MAPT: variants seen among roughly 807,000 people sequenced by gnomAD.
MAPT encodes the protein microtubule-associated protein tau.
In MAPT, 34 loss-of-function variants were observed where a neutral mutation model predicts 67.9. The observed-to-expected ratio is 0.50, with a 90% CI of 0.38 to 0.67. MAPT has a LOEUF of 0.67. Among genes scored for constraint, MAPT ranks in the 30% least tolerant of loss-of-function variants. The pLI is 0.00. For missense variants in MAPT, 881 were observed against 1,115.2 expected, an observed-to-expected ratio of 0.79 and a Z score of 2.99; for synonymous variants, 456 against 464.5, an observed-to-expected ratio of 0.98 and a Z score of 0.23.
intron 11 of MAPT, among the ~76,000 whole-genome samples, chr17:46,016,771 AAAAGAAAG>A (rs558185747): frequency 3.3e-5 from 5 of 152,104 alleles, no homozygotes; most frequent in African/African-American, 7.2e-5. Context: ...ACTCAGCAAA[AAAAGAAAG>A]AAAGAAAGAA....
intron 1 of MAPT, among the ~76,000 whole-genome samples, chr17:45,935,648 A>G (rs2067253804): frequency 6.6e-6 from 1 of 152,032 alleles, no homozygotes; most frequent in Admixed American, 6.6e-5. Context: ...AATCTCTCTG[A>G]TCCGGGCTCT....
intron 1 of MAPT, among the ~76,000 whole-genome samples, chr17:45,900,063 C>T (rs1454147587): frequency 6.6e-6 from 1 of 152,174 alleles, no homozygotes; most frequent in African/African-American, 2.4e-5. Context: ...TTGGCGCCCA[C>T]TGATGAGGCC....
rs759582499 is a variant in MAPT, at chr17:45,983,234, G to C, written c.655G>C (p.Gly219Arg). The change falls in exon 5 of 13, where the codon GGT becomes CGT. Residue 219 changes from glycine to arginine, a missense_variant. Gly to Arg is a moderately radical substitution (Grantham distance 125, BLOSUM62 -2). Coordinates refer to ENST00000262410, the MANE Select transcript of MAPT (RefSeq NM_001377265.1). ...EGFLREPGPP[G>R]LSHQLMSGMP... ...CTTCCTCCGAGAGCCAGGCCCCCCA[G>C]GTCTGAGCCACCAGCTCATGTCCGG... 5 of 1,605,176 alleles carry C rather than the reference G, an allele frequency of 3.1e-6. No homozygotes were observed. The highest frequency in any genetic ancestry group is 4.3e-6 in the Non-Finnish European group (5 of 1,176,280).
In MAPT at chr17:45,962,315, C is replaced by A. The variant is rs2070523797; in HGVS notation, c.-17-6C>A. 1 of 1,611,160 alleles carries A rather than the reference C, an allele frequency of 6.2e-7. No individual in the cohort carries two copies. Among genetic ancestry groups the A allele is most frequent in the Non-Finnish European group, 8.5e-7 (1 of 1,179,338 alleles). On this transcript the variant is annotated splice_region_variant and splice_polypyrimidine_tract_variant and intron_variant, in intron 1 of 12. Transcript: ENST00000262410. ...CAGAACTTATCCTCTCCTCTTCTTT[C>A]CCCAGGTGAACTTTGAACCAGGATG...
Position 45,971,440 on chromosome 17 carries a change from T to C in MAPT, c.134-419T>C. The stretch of plus-strand genomic sequence containing the variant: ...GCTGACTCCTTTTCCAAGGAAGGGG[T>C]TGGATCGCTGAGTGTTTTTCCAGGT... On this transcript the variant is annotated intron_variant, in intron 2 of 12. Coordinates refer to ENST00000262410, the MANE Select transcript of MAPT (RefSeq NM_001377265.1). This position sits in a 1 kb window ranked among gnomAD's most constrained non-coding sequence, Gnocchi z 4.3. Among the ~76,000 whole-genome samples, 1 of 152,098 alleles carries C rather than the reference T, an allele frequency of 6.6e-6. No individual in the cohort carries two copies. Among genetic ancestry groups the C allele is most frequent in the East Asian group, 1.9e-4 (1 of 5,190 alleles).
intron 12 of MAPT, among the ~76,000 whole-genome samples, chr17:46,021,290 A>G (rs2076513015): frequency 6.6e-6 from 1 of 152,170 alleles, no homozygotes; most frequent in Non-Finnish European, 1.5e-5. Context: ...CAAAGTGAGA[A>G]AACGAGGAGG....
At chr17:45,941,713 T>TCCTTCCTGCCTG (rs1555690496) in intron 1 of MAPT, among the ~76,000 whole-genome samples, 2 of 111,066 alleles carry the variant, frequency 1.8e-5, no homozygotes, top group Middle Eastern at 5.1e-3. Flanking sequence ...CTGCCTTCCT[T>TCCTTCCTGCCTG]CCTTCCTTCC....
chr17:45,976,313 A>G (rs1183878853), intron 3 of MAPT: 1 of 152,198 alleles, frequency 6.6e-6, no homozygotes, highest in Non-Finnish European at 1.5e-5. Context: ...CAGAGGGGAC[A>G]CACACCAGGT....
At chr17:45,985,593 G>A in intron 5 of MAPT, 1 of 706,144 alleles carries the variant, frequency 1.4e-6, no homozygotes, top group Non-Finnish European at 1.7e-6. Context: ...TGGCCATTGT[G>A]ACCCTCTGAG....
At chr17:45,905,832 CAACTT>C (rs1459900064) in intron 1 of MAPT, among the ~76,000 whole-genome samples, 1 of 152,222 alleles carries the variant, frequency 6.6e-6, no homozygotes, top group Non-Finnish European at 1.5e-5. Context: ...TGAAATAAAA[CAACTT>C]AAGAGAATTC....
chr17:45,980,812 C>T (rs1317288598), intron 4 of MAPT, among the ~76,000 whole-genome samples: 1 of 152,154 alleles, frequency 6.6e-6, no homozygotes, highest in Non-Finnish European at 1.5e-5. Context: ...TAGGGGCAGC[C>T]CCTGCCTCTG....
At chr17:45,965,384 C>T (rs1300952152) in intron 2 of MAPT, among the ~76,000 whole-genome samples, 4 of 151,294 alleles carry the variant, frequency 2.6e-5, no homozygotes, top group Non-Finnish European at 5.9e-5. Flanking sequence ...GAGCCAAGAT[C>T]GTGCCACTGC....
rs62063858 is a variant in MAPT, at chr17:45,999,614, C to A, written c.1998+2950C>A. The A allele has an allele frequency of 1.9e-6, 3 of 1,612,210 alleles. No homozygotes were observed. Among genetic ancestry groups the A allele is most frequent in the Non-Finnish European group, 2.5e-6 (3 of 1,179,154 alleles). ...AACTGTCCCTCCCACCCTGCAGCTG[C>A]CCTGCCTCTGCCCATGAGGGGTGAG... On this transcript the variant is annotated intron_variant, in intron 9 of 12. Transcript: ENST00000262410.
chr17:45,968,596 C>T (rs983666411), intron 2 of MAPT, among the ~76,000 whole-genome samples: 1 of 152,188 alleles, frequency 6.6e-6, no homozygotes, highest in Non-Finnish European at 1.5e-5. Context: ...GTGACTACAA[C>T]GTGATGCTTG....
In MAPT at chr17:46,023,947, T is replaced by C; in HGVS notation, c.2287-9T>C. 6.2e-7 allele frequency: 1 copy of C among 1,613,022 alleles called. No homozygotes were observed. Among genetic ancestry groups the C allele is most frequent in the South Asian group, 1.1e-5 (1 of 91,070 alleles). On this transcript the variant is annotated splice_polypyrimidine_tract_variant and intron_variant, in intron 12 of 12. Coordinates refer to ENST00000262410, the MANE Select transcript of MAPT (RefSeq NM_001377265.1). Reference sequence around the variant, plus strand: ...TCATCTCACCCTCCCTCCCTTCCTCTTCTTGCAGATTGAAACCCACAAGCT... The same window carrying C: ...TCATCTCACCCTCCCTCCCTTCCTCCTCTTGCAGATTGAAACCCACAAGCT...
chr17:45,981,562 G>A (rs2435207), intron 4 of MAPT, among the ~76,000 whole-genome samples: 45,108 of 152,002 alleles, frequency 0.3, 6,785 homozygotes, highest in Middle Eastern at 0.38. Flanking sequence ...CTTGTCTGTG[G>A]TCAGTGACCT....
intron 3 of MAPT, chr17:45,973,217 G>A (rs2071913200): frequency 6.6e-6 from 1 of 152,228 alleles, no homozygotes; most frequent in Non-Finnish European, 1.5e-5. Context: ...GGACGCAGCA[G>A]GCATGGGCCT....
chr17:45,986,774 T>C (rs1278321030), intron 5 of MAPT, among the ~76,000 whole-genome samples: 2 of 152,218 alleles, frequency 1.3e-5, no homozygotes, highest in Non-Finnish European at 2.9e-5. Flanking sequence ...CAGTTTCTGC[T>C]GCGTCCCCTC....
chr17:45,909,066 G>T (rs12150125), intron 1 of MAPT, among the ~76,000 whole-genome samples: 11 of 152,166 alleles, frequency 7.2e-5, no homozygotes, highest in Non-Finnish European at 1.0e-4. Flanking sequence ...GGATCCCAGC[G>T]GGAGCTGCAG....
Sources: allele counts gnomAD v4.1 joint callset (sites outside exome capture counted in the v4.1 genomes callset), GRCh38; gene constraint gnomAD v4.1.1; non-coding constraint Gnocchi (gnomAD v3.1); transcripts MANE v1.5; gene names NCBI Gene and HGNC (gene_info 2026-07-23, HGNC 2026-07-21).